Variants in GGA1 observed in about 807,000 individuals in gnomAD.
GGA1 encodes the protein ADP-ribosylation factor-binding protein GGA1.
In GGA1, 18 loss-of-function variants were observed where a neutral mutation model predicts 76.9. That is an observed-to-expected ratio of 0.23 (90% CI 0.16 to 0.35). The LOEUF (loss-of-function observed/expected upper bound fraction) is 0.35. Among genes scored for constraint, GGA1 ranks in the 10% least tolerant of loss-of-function variants. GGA1 has a pLI of 1.00. For missense variants in GGA1, 755 were observed against 859.0 expected (o/e 0.88, Z 1.51); for synonymous variants, 342 against 354.7 (o/e 0.96, Z 0.40).
intron 7 of GGA1, among the ~76,000 whole-genome samples, chr22:37,622,378 C>A (rs945705459): frequency 2.0e-5 from 3 of 151,408 alleles, no homozygotes; most frequent in Non-Finnish European, 2.9e-5. Flanking sequence ...ACTGCCTGGC[C>A]AAATGTTTAA....
In GGA1 at chr22:37,617,844, C is replaced by T. The variant is rs539673328; in HGVS notation, c.205-604C>T. On this transcript the variant is annotated intron_variant, in intron 3 of 16. Transcript: ENST00000343632. ...TTTTTTTAAAAAAGGAAAAATAGGC[C>T]GGGCTGGTGGCTCACGCCTGTAATC... 34 of 878,510 alleles carry T rather than the reference C, an allele frequency of 3.9e-5. No individual in the cohort carries two copies. In the South Asian group the frequency reaches 1.3e-3, roughly 34 times the overall value. 54.4% of individuals were successfully genotyped at this position (878,510 alleles called of 1,614,324 possible).
At position 37,625,256 on chromosome 22, in the gene GGA1, G is replaced by T. The variant is rs886593734; in HGVS notation, c.940+180G>T. On this transcript the variant is annotated intron_variant, in intron 10 of 16. Transcript: ENST00000343632. This position sits in a 1 kb window ranked among gnomAD's most constrained non-coding sequence, Gnocchi z 4.1. ...TGAAGTCTGTGCCAAGCCTGCAGCT[G>T]TGGGGGAAGAAGTCTGGTGGGGGAG... Among the ~76,000 whole-genome samples, 2 of 152,138 alleles carry T rather than the reference G, an allele frequency of 1.3e-5. No homozygotes were observed. The highest frequency in any genetic ancestry group is 6.5e-5 in the Admixed American group (1 of 15,284).
At chr22:37,622,871 T>G (rs1367309173) in intron 7 of GGA1, among the ~76,000 whole-genome samples, 1 of 152,246 alleles carries the variant, frequency 6.6e-6, no homozygotes, top group Non-Finnish European at 1.5e-5. Flanking sequence ...CTCCCCCATC[T>G]GCCAGGCACC....
chr22:37,625,118 T>C lies in GGA1; in HGVS notation c.940+42T>C. The C allele has an allele frequency of 6.6e-7, 1 of 1,511,080 alleles. No homozygotes were observed. The highest frequency in any genetic ancestry group is 9.0e-7 in the Non-Finnish European group (1 of 1,109,888). 93.6% of individuals were successfully genotyped at this position (1,511,080 alleles called of 1,614,324 possible). A position where few individuals can be genotyped will look rare whatever the true frequency, so the allele number is the denominator to read the frequency against. ...AGAGCTGGGAGGGCACCCATCAGGC[T>C]GGAGGGGCACAGAGAGTGCAGGGTG... On this transcript the variant is annotated intron_variant, in intron 10 of 16. Coordinates refer to ENST00000343632, the MANE Select transcript of GGA1 (RefSeq NM_013365.5). The surrounding 1 kb of genome is among the most constrained non-coding windows in gnomAD (Gnocchi z 4.1).
intron 11 of GGA1, among the ~76,000 whole-genome samples, chr22:37,628,042 G>A (rs902349392): frequency 2.0e-5 from 3 of 152,186 alleles, no homozygotes; most frequent in East Asian, 1.9e-4. Context: ...TGGCCAGGCC[G>A]GTATTGAACT....
chr22:37,614,143 A>C (rs890616322), intron 1 of GGA1, 47 bp from the exon 2 acceptor site: 3 of 1,275,690 alleles, frequency 2.4e-6, no homozygotes, highest in Non-Finnish European at 3.4e-6. Flanking sequence ...GTGGAAGAGC[A>C]GGAATCCCAC....
Position 37,625,897 on chromosome 22 carries a change from T to G in GGA1, c.1041T>G (p.Pro347=). 1 of 1,607,748 alleles carries G rather than the reference T, an allele frequency of 6.2e-7. No individual in the cohort carries two copies. The highest frequency in any genetic ancestry group is 8.5e-7 in the Non-Finnish European group (1 of 1,177,268). Reference sequence around the variant, plus strand: ...CCCGCCCTGGCGAGCAGGCCAGCCCTGAGCAGCCCAGTGCCTCAGTTTCCC... The same window carrying G: ...CCCGCCCTGGCGAGCAGGCCAGCCCGGAGCAGCCCAGTGCCTCAGTTTCCC... ...MPTRPGEQAS[P]EQPSASVSLL... The change falls in exon 11 of 17, where the codon CCT becomes CCG. Residue 347 remains proline (P), a synonymous_variant. Transcript: ENST00000343632. The surrounding 1 kb of genome is among the most constrained non-coding windows in gnomAD (Gnocchi z 4.1).
rs1215031278 is a variant in GGA1, at chr22:37,625,352, A to G, written c.940+276A>G. On this transcript the variant is annotated intron_variant, in intron 10 of 16. Coordinates refer to ENST00000343632, the MANE Select transcript of GGA1 (RefSeq NM_013365.5). The surrounding 1 kb of genome is among the most constrained non-coding windows in gnomAD (Gnocchi z 4.1). The stretch of plus-strand genomic sequence containing the variant: ...ATTTGACAAATCTGGCACCTGTTGT[A>G]TAGGGCTAGATGACACCCCAGAGGC... Among the ~76,000 whole-genome samples, 1 of 152,148 alleles carries G rather than the reference A, an allele frequency of 6.6e-6. No individual in the cohort carries two copies. Among genetic ancestry groups the G allele is most frequent in the African/African-American group, 2.4e-5 (1 of 41,418 alleles).
Position 37,623,715 on chromosome 22 carries a change from T to G in GGA1, c.832+82T>G. The stretch of plus-strand genomic sequence containing the variant: ...CCCACCTCCCCCAGGCCCTGCTAAG[T>G]ATCTGCAGTTGGAAGGAGCCACCAC... On this transcript the variant is annotated intron_variant, in intron 9 of 16. Transcript: ENST00000343632. The surrounding 1 kb of genome is among the most constrained non-coding windows in gnomAD (Gnocchi z 4.6). 2 of 992,348 alleles carry G rather than the reference T, an allele frequency of 2.0e-6. No individual in the cohort carries two copies. Among genetic ancestry groups the G allele is most frequent in the Non-Finnish European group, 3.0e-6 (2 of 656,590 alleles). The allele number at this position is 992,348 out of a possible 1,614,324, so 61.5% of individuals were successfully genotyped here.
intron 5 of GGA1, 44 bp downstream of exon 5, chr22:37,620,405 C>T: frequency 1.2e-6 from 2 of 1,608,596 alleles, no homozygotes; most frequent in East Asian, 2.2e-5. Flanking sequence ...CCTGCCTTCC[C>T]CTCCCCCACC....
intron 2 of GGA1, among the ~76,000 whole-genome samples, chr22:37,614,481 A>G (rs567646831): frequency 6.6e-6 from 1 of 152,178 alleles, no homozygotes; most frequent in Non-Finnish European, 1.5e-5. Context: ...AAAGAAATCA[A>G]GGCTCAGAGG....
Position 37,623,571 on chromosome 22 carries a change from A to AG in GGA1, c.771dup (p.Arg258AlafsTer12). 1 of 1,611,020 alleles carries AG rather than the reference A, an allele frequency of 6.2e-7. No homozygotes were observed. Among genetic ancestry groups the AG allele is most frequent in the Non-Finnish European group, 8.5e-7 (1 of 1,178,580 alleles). ...CCTCAGGAACTGTACCAGCGCTGTG[A>AG]GCGGATGCGGCCCACGCTCTTCCGA... On this transcript the variant is annotated frameshift_variant, in exon 9 of 17. Coordinates refer to ENST00000343632, the MANE Select transcript of GGA1 (RefSeq NM_013365.5). LOFTEE classifies it high-confidence loss of function. This position sits in a 1 kb window ranked among gnomAD's most constrained non-coding sequence, Gnocchi z 4.6.
intron 1 of GGA1, chr22:37,609,175 C>G: frequency 1.4e-6 from 2 of 1,426,914 alleles, no homozygotes; most frequent in Non-Finnish European, 1.9e-6. Context: ...CCGGGAACCC[C>G]CGGGACGGAG....
chr22:37,611,784 G>A (rs6000844), intron 1 of GGA1, among the ~76,000 whole-genome samples: 4,672 of 152,310 alleles, frequency 0.031, 210 homozygotes, highest in East Asian at 0.098. Context: ...CTTAGAGGTG[G>A]GCTGTGGAGA....
chr22:37,630,714 G>A, intron 13 of GGA1, 189 bp from the exon 14 acceptor site: 1 of 574,122 alleles, frequency 1.7e-6, no homozygotes, highest in South Asian at 2.2e-5. Flanking sequence ...CCACAGGTGT[G>A]CGCTACCACG....
At chr22:37,621,766 C>A in intron 7 of GGA1, 70 bp downstream of exon 7, 1 of 966,394 alleles carries the variant, frequency 1.0e-6, no homozygotes, top group Non-Finnish European at 1.6e-6. Context: ...TGAGATGGGG[C>A]TGTATGCATC....
intron 3 of GGA1, chr22:37,617,258 G>A: frequency 7.4e-7 from 1 of 1,353,242 alleles, no homozygotes. Context: ...CTTTGCTTCA[G>A]CTGCACATCG....
intron 5 of GGA1, 117 bp downstream of exon 5, chr22:37,620,478 T>C (rs1422581453): frequency 1.0e-5 from 11 of 1,098,266 alleles, no homozygotes; most frequent in Non-Finnish European, 1.5e-5. Context: ...GTCTGTCCTT[T>C]AACTTCTGGA....
At chr22:37,621,741 A>T in intron 7 of GGA1, 45 bp downstream of exon 7, 1 of 1,320,894 alleles carries the variant, frequency 7.6e-7, no homozygotes. Flanking sequence ...GGATGGGGGT[A>T]TTGAGCTGGG....
Sources: allele counts gnomAD v4.1 joint callset (sites outside exome capture counted in the v4.1 genomes callset), GRCh38; gene constraint gnomAD v4.1.1; non-coding constraint Gnocchi (gnomAD v3.1); transcripts MANE v1.5; gene names NCBI Gene and HGNC (gene_info 2026-07-23, HGNC 2026-07-21).